FAM162A: variants seen among roughly 807,000 people sequenced by gnomAD.
FAM162A encodes family with sequence similarity 162 member A.
A neutral mutation model predicts 21.8 loss-of-function variants in FAM162A; 23 were observed. The ratio of observed to expected loss-of-function variants is 1.05; its 90% CI spans 0.76 to 1.49. FAM162A has a LOEUF of 1.49. FAM162A is among the 40% of genes most tolerant of loss of function. FAM162A has a pLI of 0.00. For synonymous variants in FAM162A, 53 were observed against 61.3 expected, an observed-to-expected ratio of 0.86 and a Z score of 0.64; for missense variants, 165 against 186.4, an observed-to-expected ratio of 0.89 and a Z score of 0.67.
chr3:122,402,063 A>G (rs1269259123), intron 1 of FAM162A, among the ~76,000 whole-genome samples: 1 of 151,948 alleles, frequency 6.6e-6, no homozygotes, highest in Non-Finnish European at 1.5e-5. Context: ...GCCCATTCCT[A>G]TGTCCAGAAT....
At chr3:122,390,278 G>T (rs972409146) in intron 1 of FAM162A, among the ~76,000 whole-genome samples, 1 of 144,892 alleles carries the variant, frequency 6.9e-6, no homozygotes, top group African/African-American at 2.4e-5. Context: ...AAGGAAGACT[G>T]GTATTTCTTC....
rs908267202 is a variant in FAM162A at position 122,409,929 on chromosome 3, G to A, written c.*98G>A. On this transcript the variant is annotated 3_prime_UTR_variant, in exon 5 of 5. Transcript: ENST00000477892. ...GTGGTATGAGGATCCATTTCATAAA[G>A]TATGATTTGCCCAAACCTGTACCAT... 3.8e-6 allele frequency: 4 copies of A among 1,064,708 alleles called. No individual in the cohort carries two copies. In the African/African-American group the frequency reaches 6.2e-5, roughly 17 times the overall value. 66.0% of individuals were successfully genotyped at this position (1,064,708 alleles called of 1,614,324 possible).
chr3:122,387,757 T>C (rs540819979), intron 1 of FAM162A, among the ~76,000 whole-genome samples: 1 of 152,308 alleles, frequency 6.6e-6, no homozygotes, highest in East Asian at 1.9e-4. Context: ...ATGAATGGAC[T>C]GCCCCACTCC....
chr3:122,398,989 T>G (rs1289947958), intron 1 of FAM162A, among the ~76,000 whole-genome samples: 3 of 152,170 alleles, frequency 2.0e-5, no homozygotes, highest in Non-Finnish European at 4.4e-5. Context: ...ATAGGTAAAC[T>G]TATGTCACAG....
intron 1 of FAM162A, among the ~76,000 whole-genome samples, chr3:122,396,186 A>G (rs1393144491): frequency 6.6e-6 from 1 of 152,194 alleles, no homozygotes. Flanking sequence ...CACCCAAATT[A>G]AATTTTTTTG....
In FAM162A at chr3:122,411,525, TGTA is replaced by T. The variant is rs2075704866; in HGVS notation, c.*1698_*1700del. ...GTATCTTGGAGATTTACATTATAAA[TGTA>T]GTAACATTTATGAGCTTAAATTTAA... On this transcript the variant is annotated 3_prime_UTR_variant, in exon 5 of 5. Coordinates refer to ENST00000477892, the MANE Select transcript of FAM162A (RefSeq NM_014367.4). 1 of 152,064 alleles carries T rather than the reference TGTA, an allele frequency of 6.6e-6. No homozygotes were observed. The highest frequency in any genetic ancestry group is 1.5e-5 in the Non-Finnish European group (1 of 68,040). 9.4% of individuals were successfully genotyped at this position (152,064 alleles called of 1,614,324 possible).
intron 1 of FAM162A, among the ~76,000 whole-genome samples, chr3:122,389,430 GATA>G (rs1559998806): frequency 6.0e-5 from 9 of 149,616 alleles, no homozygotes; most frequent in African/African-American, 2.5e-5. Context: ...TAGATAGATA[GATA>G]GATGAGATAG....
chr3:122,388,191 A>C (rs988367464), intron 1 of FAM162A, among the ~76,000 whole-genome samples: 2 of 152,236 alleles, frequency 1.3e-5, no homozygotes, highest in Non-Finnish European at 2.9e-5. Flanking sequence ...TATATTTAGG[A>C]AGTGTCTTGA....
chr3:122,399,552 C>G (rs2075643876), intron 1 of FAM162A, among the ~76,000 whole-genome samples: 1 of 152,136 alleles, frequency 6.6e-6, no homozygotes, highest in African/African-American at 2.4e-5. Context: ...TAGGTTGATT[C>G]ATGTCTTTAC....
At chr3:122,397,798 G>T (rs1433050358) in intron 1 of FAM162A, among the ~76,000 whole-genome samples, 1 of 152,108 alleles carries the variant, frequency 6.6e-6, no homozygotes, top group Non-Finnish European at 1.5e-5. Flanking sequence ...TTTTATGAAG[G>T]TATTTCCTAG....
chr3:122,401,959 G>A (rs963192519), intron 1 of FAM162A, among the ~76,000 whole-genome samples: 5 of 152,020 alleles, frequency 3.3e-5, no homozygotes, highest in Middle Eastern at 3.2e-3. Flanking sequence ...AACCTGTTTA[G>A]TTTCTGCACA....
chr3:122,402,073 T>C (rs2075655808), intron 1 of FAM162A, among the ~76,000 whole-genome samples: 1 of 152,134 alleles, frequency 6.6e-6, no homozygotes, highest in African/African-American at 2.4e-5. Context: ...ATGTCCAGAA[T>C]GGTATTGCCT....
chr3:122,391,627 T>TA (rs1294089526), intron 1 of FAM162A, among the ~76,000 whole-genome samples: 1 of 152,206 alleles, frequency 6.6e-6, no homozygotes, highest in African/African-American at 2.4e-5. Context: ...TCCAAGTCCT[T>TA]ACCCTCCATA....
At position 122,402,810 on chromosome 3, in the gene FAM162A, A is replaced by C. The variant is rs2075659032; in HGVS notation, c.85A>C (p.Thr29Pro). The stretch of plus-strand genomic sequence containing the variant: ...AGATGTTTCCTCATCTCTAAGGCTT[A>C]CCAGAAGCTCTGATTTGAAGAGAAT... ...ERDVSSSLRL[T>P]RSSDLKRING... The change falls in exon 2 of 5, where the codon ACC (threonine) becomes CCC (proline). Residue 29 changes from threonine to proline, a missense_variant. Thr to Pro is a conservative substitution (Grantham distance 38, BLOSUM62 -1). Coordinates refer to ENST00000477892, the MANE Select transcript of FAM162A (RefSeq NM_014367.4). 6.2e-7 allele frequency: 1 copy of C among 1,603,624 alleles called. No individual in the cohort carries two copies. The highest frequency in any genetic ancestry group is 1.3e-5 in the African/African-American group (1 of 74,706).
At chr3:122,407,659 G>A (rs2107701598) in intron 4 of FAM162A, 2 of 471,612 alleles carry the variant, frequency 4.2e-6, no homozygotes, top group Non-Finnish European at 7.5e-6. Flanking sequence ...CTGATGACAG[G>A]TGTCATAATG....
chr3:122,386,165 T>G (rs1472627864), intron 1 of FAM162A, among the ~76,000 whole-genome samples: 1 of 152,228 alleles, frequency 6.6e-6, no homozygotes, highest in Non-Finnish European at 1.5e-5. Flanking sequence ...GATTTAGTTC[T>G]GAAATGAAAG....
intron 1 of FAM162A, among the ~76,000 whole-genome samples, chr3:122,401,189 C>G (rs763951771): frequency 4.6e-5 from 7 of 151,896 alleles, no homozygotes; most frequent in Non-Finnish European, 8.8e-5. Context: ...ATGTATATAT[C>G]AAGTGTGGCA....
At chr3:122,404,632 C>T (rs1037081989) in intron 3 of FAM162A, among the ~76,000 whole-genome samples, 3 of 152,208 alleles carry the variant, frequency 2.0e-5, no homozygotes, top group African/African-American at 7.2e-5. Flanking sequence ...CCCCTGGCTA[C>T]AGAAGTGTGA....
chr3:122,405,841 C>A (rs2075674421), intron 3 of FAM162A, among the ~76,000 whole-genome samples: 1 of 152,192 alleles, frequency 6.6e-6, no homozygotes, highest in Non-Finnish European at 1.5e-5. Flanking sequence ...ATACCGTCAA[C>A]ATGGGAAGTC....
Sources: gnomAD v4.1 joint callset for allele counts (sites outside exome capture counted in the v4.1 genomes callset) on GRCh38, gnomAD v4.1.1 for gene constraint, MANE v1.5 for transcripts, NCBI Gene and HGNC (gene_info 2026-07-23, HGNC 2026-07-21) for gene names.